Variants in ZFP64 observed in about 807,000 individuals in gnomAD.
ZFP64 encodes the protein ZFP64 zinc finger protein, also known as zinc finger protein 64.
Under a neutral mutation model 51.6 loss-of-function variants are expected in ZFP64, and 14 were observed. That is an observed-to-expected ratio of 0.27 (90% confidence interval 0.18 to 0.42). The LOEUF (loss-of-function observed/expected upper bound fraction) is 0.42, where lower values mean the gene tolerates loss of function less well. Among genes scored for constraint, ZFP64 ranks in the 10% least tolerant of loss-of-function variants. The probability of loss-of-function intolerance (pLI) is 1.00; values close to 1 mark genes in which losing one functional copy is unlikely to be tolerated. For missense variants in ZFP64, 754 were observed against 906.8 expected, an observed-to-expected ratio of 0.83 and a Z score of 2.16; for synonymous variants, 375 against 361.4, an observed-to-expected ratio of 1.04 and a Z score of -0.43.
chr20:52,141,105 T>C (rs1159063989), intron 5 of ZFP64, among the ~76,000 whole-genome samples: 1 of 152,168 alleles, frequency 6.6e-6, no homozygotes, highest in Non-Finnish European at 1.5e-5. Context: ...ATAGGTTCCT[T>C]CCACAATATT....
chr20:52,110,425 G>A (rs773488807), intron 5 of ZFP64: 25 of 592,660 alleles, frequency 4.2e-5, no homozygotes, highest in Admixed American at 2.4e-4. Context: ...CCTTCTTCCC[G>A]TCACTCAACT....
At chr20:52,147,115 T>A (rs965291496), downstream of ZFP64, among the ~76,000 whole-genome samples, 1 of 152,224 alleles carries the variant, frequency 6.6e-6, no homozygotes, top group African/African-American at 2.4e-5. Flanking sequence ...TATGAAAATA[T>A]TAAGTCTTCC....
Position 52,152,507 on chromosome 20 carries a change from C to A in ZFP64, c.1685G>T (p.Gly562Val). 1 of 1,607,064 alleles carries A rather than the reference C, an allele frequency of 6.2e-7. No individual in the cohort carries two copies. The change falls in exon 6 of 6, where the codon GGC becomes GTC. Residue 562 changes from glycine (G) to valine (V), a missense_variant. Physicochemically the swap from Gly to Val is moderately radical, Grantham distance 109. This residue lies in a region of ZFP64 where 428 missense variants were observed against 472.4 expected (regional missense o/e 0.91). Coordinates refer to ENST00000216923, the MANE Select transcript of ZFP64 (RefSeq NM_018197.3). Reference protein sequence around the residue: ...PQSSRCPSEAGAMTQPAVLLT... With the variant: ...PQSSRCPSEAVAMTQPAVLLT... ...CAGGACAGCCGGCTGGGTCATTGCG[C>A]CCGCCTCGCTCGGACACCGCGAGGA...
At chr20:52,106,018 T>A (rs1334781916) in intron 5 of ZFP64, among the ~76,000 whole-genome samples, 1 of 152,160 alleles carries the variant, frequency 6.6e-6, no homozygotes, top group Admixed American at 6.5e-5. Flanking sequence ...AAATGCAGAT[T>A]CCGAAAGTTC....
chr20:52,162,855 ACT>A (rs1275663551), intron 4 of ZFP64, among the ~76,000 whole-genome samples: 1 of 151,956 alleles, frequency 6.6e-6, no homozygotes. Context: ...CCAAACCCCA[ACT>A]CCAGGGGTAA....
chr20:52,106,372 G>T (rs1401961868), intron 5 of ZFP64, among the ~76,000 whole-genome samples: 1 of 152,156 alleles, frequency 6.6e-6, no homozygotes, highest in Non-Finnish European at 1.5e-5. Context: ...CCCCAAGCTT[G>T]CCCGAACCTG....
chr20:52,099,069 A>G (rs998875136), intron 5 of ZFP64, among the ~76,000 whole-genome samples: 3 of 151,438 alleles, frequency 2.0e-5, no homozygotes, highest in Non-Finnish European at 2.9e-5. Flanking sequence ...TCCCCTTACT[A>G]CGGTTTCCAA....
intron 5 of ZFP64, among the ~76,000 whole-genome samples, chr20:52,145,203 C>A (rs1301683847): frequency 6.6e-6 from 1 of 152,172 alleles, no homozygotes; most frequent in African/African-American, 2.4e-5. Context: ...TGTATACAGT[C>A]GTTGCCACTT....
rs949202556 is a variant in ZFP64 at position 52,093,422 on chromosome 20, G to A, written c.976+3951C>T. Among the ~76,000 whole-genome samples, 5 of 152,352 alleles carry A rather than the reference G, an allele frequency of 3.3e-5. No homozygotes were observed. In the South Asian group the frequency reaches 1.0e-3, roughly 32 times the overall value. ...CTGAAAGTGCTGGGATTACAGGCGT[G>A]AGCCACTGCGCCCAGCCATCAGGAG... On this transcript the variant is annotated intron_variant, in intron 7 of 8. Transcript: ENST00000361387.
chr20:52,129,736 T>G (rs908453814), intron 5 of ZFP64, among the ~76,000 whole-genome samples: 1 of 152,162 alleles, frequency 6.6e-6, no homozygotes, highest in Non-Finnish European at 1.5e-5. Context: ...CTGTTCCTCA[T>G]GGTGCCTCTG....
At chr20:52,181,523 A>G (rs946410229) in intron 2 of ZFP64, among the ~76,000 whole-genome samples, 6 of 152,176 alleles carry the variant, frequency 3.9e-5, no homozygotes, top group African/African-American at 1.4e-4. Flanking sequence ...CTTTAAACCC[A>G]AGTATTATCA....
intron 2 of ZFP64, among the ~76,000 whole-genome samples, chr20:52,168,738 G>T (rs144132176): frequency 6.6e-6 from 1 of 152,112 alleles, no homozygotes; most frequent in Non-Finnish European, 1.5e-5. Context: ...ATTAATATCA[G>T]ATTTACCCCG....
rs1984393952 is a variant in ZFP64, at chr20:52,191,735, C to T, written c.-99G>A. On this transcript the variant is annotated 5_prime_UTR_variant, in exon 1 of 6. Transcript: ENST00000216923. The surrounding 1 kb of genome is among the most constrained non-coding windows in gnomAD (Gnocchi z 4.3). ...TTTTCCTTTTATTTTTCCACACCCC[C>T]CACCCTGCCTTCTCCCAACTCTGCG... 6.5e-6 allele frequency: 9 copies of T among 1,376,064 alleles called. No individual in the cohort carries two copies. Among genetic ancestry groups the T allele is most frequent in the Non-Finnish European group, 6.7e-6 (7 of 1,041,200 alleles). 85.2% of individuals were successfully genotyped at this position (1,376,064 alleles called of 1,614,324 possible).
chr20:52,136,495 T>G (rs1353071450), intron 5 of ZFP64, among the ~76,000 whole-genome samples: 2 of 152,224 alleles, frequency 1.3e-5, no homozygotes, highest in African/African-American at 2.4e-5. Context: ...CAATACAACT[T>G]GTATTTCTAT....
chr20:52,134,352 A>T (rs956017143), intron 5 of ZFP64, among the ~76,000 whole-genome samples: 1 of 152,180 alleles, frequency 6.6e-6, no homozygotes, highest in African/African-American at 2.4e-5. Context: ...CTTCCACAGT[A>T]AGCCACTGAA....
At chr20:52,103,752 G>T (rs1483252451) in intron 5 of ZFP64, among the ~76,000 whole-genome samples, 1 of 152,224 alleles carries the variant, frequency 6.6e-6, no homozygotes, top group Non-Finnish European at 1.5e-5. Flanking sequence ...CAGGGGACGG[G>T]ATCCTGTAAG....
intron 7 of ZFP64, chr20:52,096,996 G>GGCCAGA: frequency 3.6e-6 from 2 of 558,942 alleles, no homozygotes; most frequent in Non-Finnish European, 3.5e-6. Context: ...ATAGGTAAAT[G>GGCCAGA]AAGGAGCATG....
intron 5 of ZFP64, among the ~76,000 whole-genome samples, chr20:52,145,610 A>G (rs1473969690): frequency 2.0e-5 from 3 of 152,184 alleles, no homozygotes; most frequent in Admixed American, 2.0e-4. Context: ...CTGCACTCCA[A>G]CCTGGGTGAT....
intron 5 of ZFP64, among the ~76,000 whole-genome samples, chr20:52,122,093 T>C (rs994335173): frequency 6.6e-6 from 1 of 152,190 alleles, no homozygotes; most frequent in Admixed American, 6.5e-5. Flanking sequence ...TCATTGACAA[T>C]GCACCTAGTC....
Sources: gnomAD v4.1 joint callset for allele counts (sites outside exome capture counted in the v4.1 genomes callset) on GRCh38, gnomAD v4.1.1 for gene constraint, gnomAD v4.1.1 regional missense constraint, Gnocchi (gnomAD v3.1) non-coding constraint, MANE v1.5 for transcripts, NCBI Gene and HGNC (gene_info 2026-07-23, HGNC 2026-07-21) for gene names.